The following USP36 variants were observed in gnomAD, a reference collection of about 807,000 sequenced individuals.
USP36 encodes ubiquitin carboxyl-terminal hydrolase 36.
USP36 carries 59 observed loss-of-function variants against 111.5 expected under a neutral mutation model. The observed-to-expected ratio is 0.53, with a 90% CI of 0.43 to 0.66. USP36 has a LOEUF of 0.66. Ranked by LOEUF, USP36 falls within the 30% of genes least tolerant of loss-of-function variation. The pLI is 0.00. For missense variants in USP36, 1,488 were observed against 1,468.0 expected, an observed-to-expected ratio of 1.01 and a Z score of -0.22; for synonymous variants, 628 against 581.0, an observed-to-expected ratio of 1.08 and a Z score of -1.16.
In USP36 at chr17:78,840,763, G is replaced by C. The variant is rs578165866; in HGVS notation, c.-201C>G. ...CGGCCTCTCCGCGGGCGCGCCACAA[G>C]CCTACGCAGCCCTGGCGACTCCTTC... On this transcript the variant is annotated 5_prime_UTR_variant, in exon 1 of 21. Transcript: ENST00000449938. 9.1e-4 allele frequency: 139 copies of C among 152,456 alleles called. No individual in the cohort carries two copies. Among genetic ancestry groups the C allele is most frequent in the South Asian group, 5.2e-3 (25 of 4,830 alleles). The allele number at this position is 152,456 out of a possible 1,614,324, so 9.4% of individuals were successfully genotyped here.
intron 3 of USP36, among the ~76,000 whole-genome samples, chr17:78,788,497 C>T (rs749381823): frequency 7.2e-5 from 11 of 152,084 alleles, no homozygotes; most frequent in Non-Finnish European, 1.3e-4. Flanking sequence ...AATTCTATTT[C>T]GTTACCTTTA....
intron 13 of USP36, among the ~76,000 whole-genome samples, chr17:78,809,371 G>A (rs1258681168): frequency 6.6e-6 from 1 of 152,122 alleles, no homozygotes; most frequent in African/African-American, 2.4e-5. Flanking sequence ...TTTCTAAAAG[G>A]AATTCATCTT....
chr17:78,791,621 G>A (rs1318583084), downstream of USP36, among the ~76,000 whole-genome samples: 1 of 152,230 alleles, frequency 6.6e-6, no homozygotes, highest in East Asian at 1.9e-4. Context: ...AATGCCTGGA[G>A]TGCTTTCTGA....
intron 8 of USP36, among the ~76,000 whole-genome samples, chr17:78,820,398 C>T (rs1444776490): frequency 6.6e-6 from 1 of 152,152 alleles, no homozygotes; most frequent in Admixed American, 6.6e-5. Context: ...TAGAGGTCAA[C>T]ACTACAGTGA....
intron 7 of USP36, chr17:78,821,279 C>T (rs8069001): frequency 0.023 from 11,178 of 483,466 alleles, 997 homozygotes; most frequent in African/African-American, 0.2. Context: ...CTCACAGGGC[C>T]CTCCCTGCCT....
intron 2 of USP36, among the ~76,000 whole-genome samples, chr17:78,837,046 A>C (rs1010379185): frequency 3.3e-5 from 5 of 152,204 alleles, no homozygotes; most frequent in Admixed American, 1.3e-4. Flanking sequence ...AATGTAAAAC[A>C]TCCCAGTAAT....
intron 15 of USP36, among the ~76,000 whole-genome samples, chr17:78,805,421 C>G (rs961548391): frequency 1.2e-4 from 19 of 152,298 alleles, no homozygotes; most frequent in South Asian, 1.0e-3. Flanking sequence ...GGGCGACGCA[C>G]AGTCATACCT....
At position 78,821,074 on chromosome 17, in the gene USP36, A is replaced by G. The variant is rs2094307097; in HGVS notation, c.758-13T>C. The G allele has an allele frequency of 1.3e-6, 2 of 1,592,750 alleles. No individual in the cohort carries two copies. Among genetic ancestry groups the G allele is most frequent in the African/African-American group, 1.3e-5 (1 of 74,520 alleles). ...ACGGAGCACTTCACTGCAACAGAAC[A>G]GAGGCAGTGGAGCAGGTGGGGCCTG... is the stretch of plus-strand genomic sequence containing the variant. On this transcript the variant is annotated splice_polypyrimidine_tract_variant and intron_variant, in intron 7 of 20. Transcript: ENST00000449938.
chr17:78,799,622 C>A, intron 18 of USP36, 45 bp downstream of exon 18: 1 of 1,590,568 alleles, frequency 6.3e-7, no homozygotes, highest in African/African-American at 1.3e-5. Context: ...TCCTACAAAA[C>A]CAACCAATGA....
intron 9 of USP36, 40 bp from the exon 10 acceptor site, chr17:78,818,818 T>C: frequency 6.2e-7 from 1 of 1,605,024 alleles, no homozygotes; most frequent in Non-Finnish European, 8.5e-7. Flanking sequence ...GAATGATTGA[T>C]TCGTGCTCTG....
chr17:78,829,021 A>C lies in USP36; in HGVS notation c.476-14T>G. The C allele has an allele frequency of 1.2e-6, 2 of 1,609,734 alleles. No individual in the cohort carries two copies. Among genetic ancestry groups the C allele is most frequent in the Non-Finnish European group, 1.7e-6 (2 of 1,177,862 alleles). On this transcript the variant is annotated splice_polypyrimidine_tract_variant and intron_variant, in intron 4 of 20. Transcript: ENST00000449938. ...TTCCCTGGTGGCCTGCCGGCGTGGAAGGAGGAGCAATTTTAAGACAAGAGC... is the reference window on the plus strand; with the variant it reads ...TTCCCTGGTGGCCTGCCGGCGTGGACGGAGGAGCAATTTTAAGACAAGAGC...
chr17:78,815,098 C>T (rs2094148606), intron 10 of USP36, among the ~76,000 whole-genome samples: 1 of 152,178 alleles, frequency 6.6e-6, no homozygotes, highest in South Asian at 2.1e-4. Flanking sequence ...CTTTGGGAGG[C>T]CGAGGCGGGT....
intron 17 of USP36, among the ~76,000 whole-genome samples, chr17:78,802,022 G>A (rs2093756013): frequency 6.6e-6 from 1 of 152,100 alleles, no homozygotes; most frequent in Non-Finnish European, 1.5e-5. Context: ...CCCAAGCTCA[G>A]ATGCAGTAGA....
chr17:78,830,767 A>C (rs2068009201), intron 4 of USP36, among the ~76,000 whole-genome samples: 1 of 152,172 alleles, frequency 6.6e-6, no homozygotes, highest in Non-Finnish European at 1.5e-5. Flanking sequence ...TTCTTCTTGA[A>C]GAGATGTAAA....
At chr17:78,814,675 G>A (rs770259865) in intron 10 of USP36, 123 bp from the exon 11 acceptor site, 263 of 1,226,342 alleles carry the variant, frequency 2.1e-4, no homozygotes, top group Non-Finnish European at 2.7e-4. Context: ...TTTGGGGGCC[G>A]GGCACAGTGG....
At position 78,838,569 on chromosome 17, in the gene USP36, G is replaced by T. The variant is rs919374516; in HGVS notation, c.-10+18C>A. On this transcript the variant is annotated intron_variant, in intron 2 of 20. Transcript: ENST00000449938. Reference sequence around the variant, plus strand: ...ATTCAACGGAATCAAAAAATACACAGAAGCCTCGCAGACTCACCTGGGATG... The same window carrying T: ...ATTCAACGGAATCAAAAAATACACATAAGCCTCGCAGACTCACCTGGGATG... The T allele has an allele frequency of 6.6e-6, 1 of 152,112 alleles. No individual in the cohort carries two copies. The highest frequency in any genetic ancestry group is 2.4e-5 in the African/African-American group (1 of 41,396). 9.4% of individuals were successfully genotyped at this position (152,112 alleles called of 1,614,324 possible).
intron 15 of USP36, 145 bp downstream of exon 15, chr17:78,806,011 A>G (rs2145090517): frequency 7.2e-7 from 1 of 1,391,114 alleles, no homozygotes; most frequent in Non-Finnish European, 9.7e-7. Context: ...GATCTTGGTC[A>G]GTGACGCCCC....
At chr17:78,821,388 ATATATAT>A (rs1567952246) in intron 7 of USP36, 7 of 24,012 alleles carry the variant, frequency 2.9e-4, no homozygotes, top group African/African-American at 1.2e-3. Context: ...CCTAATGAGA[ATATATAT>A]ATATATATAT....
rs201013812 is a variant in USP36, at chr17:78,802,391, A to G, written c.2955T>C (p.Asp985=). 19 of 1,610,138 alleles carry G rather than the reference A, an allele frequency of 1.2e-5. No homozygotes were observed. Among genetic ancestry groups the G allele is most frequent in the Non-Finnish European group, 1.6e-5 (19 of 1,178,438 alleles). ...LKCPRSAKPQ[D]AVVPESSSCA... is the part of the protein sequence containing the mutation. ...AGCTGCTGGACTCGGGGACAACAGC[A>G]TCTTGGGGCTTGGCACTCCTTGGGC... Residue 985 remains aspartate, a synonymous_variant, in exon 17 of 21, where the codon GAT becomes GAC. Coordinates refer to ENST00000449938, the MANE Select transcript of USP36 (RefSeq NM_001385174.1).
Sources: allele counts gnomAD v4.1 joint callset (sites outside exome capture counted in the v4.1 genomes callset), GRCh38; gene constraint gnomAD v4.1.1; transcripts MANE v1.5; gene names NCBI Gene and HGNC (gene_info 2026-07-23, HGNC 2026-07-21).